PLA2G2F: variants seen among roughly 807,000 people sequenced by gnomAD.
PLA2G2F encodes phospholipase A2 group IIF.
Under a neutral mutation model 15.9 loss-of-function variants are expected in PLA2G2F, and 17 were observed. The ratio of observed to expected loss-of-function variants is 1.07; its 90% CI spans 0.73 to 1.60. The LOEUF (loss-of-function observed/expected upper bound fraction) is 1.60, where lower values mean the gene tolerates loss of function less well. PLA2G2F is among the 40% of genes most tolerant of loss of function. The pLI is 0.00. For synonymous variants in PLA2G2F, 119 were observed against 106.5 expected (o/e 1.12, Z -0.72); for missense variants, 299 against 278.2 (o/e 1.07, Z -0.53).
Position 20,148,602 on chromosome 1 carries a change from G to A in PLA2G2F, c.*201G>A. 1 of 597,374 alleles carries A rather than the reference G, an allele frequency of 1.7e-6. No individual in the cohort carries two copies. The highest frequency in any genetic ancestry group is 2.0e-5 in the South Asian group (1 of 49,936). The allele number at this position is 597,374 out of a possible 1,614,324, so 37.0% of individuals were successfully genotyped here. On this transcript the variant is annotated 3_prime_UTR_variant, in exon 5 of 5. Coordinates refer to ENST00000375102, the MANE Select transcript of PLA2G2F (RefSeq NM_022819.4). ...CCCCAGCCCAGCCCCAGGCATGGGT[G>A]CCTCCTGCTGCTGGTTCTGGACTGG...
Position 20,139,526 on chromosome 1 carries a change from T to A in PLA2G2F, c.99T>A (p.Cys33Ter). The A allele has an allele frequency of 6.4e-7, 1 of 1,552,620 alleles. No individual in the cohort carries two copies. Among genetic ancestry groups the A allele is most frequent in the Non-Finnish European group, 8.7e-7 (1 of 1,148,104 alleles). ...GGGGCCCACGCTTCGGGGCCTCCTG[T>A]CCTTCAAGAACCTCCAGGTAGGTGC... ...GWRGPRFGAS[C>*]PSRTSRSSLG... The change falls in exon 1 of 5, where the codon TGT becomes TGA. Residue 33 changes from cysteine (C) to a stop codon, truncating the protein, a stop_gained. Transcript: ENST00000375102. LOFTEE classifies it high-confidence loss of function.
Position 20,148,432 on chromosome 1 carries a change from G to A in PLA2G2F, c.*31G>A, listed in dbSNP as rs758017481. On this transcript the variant is annotated 3_prime_UTR_variant, in exon 5 of 5. Coordinates refer to ENST00000375102, the MANE Select transcript of PLA2G2F (RefSeq NM_022819.4). ...CTGAGGTTTGAGAGAGAGAGCGGGA[G>A]GAGGGTCTGGCTTGGGGACCAGACG... 3.8e-6 allele frequency: 6 copies of A among 1,574,592 alleles called. No homozygotes were observed. The African/African-American group carries it at 5.4e-5, about 14-fold the overall frequency.
At chr1:20,139,753 A>G (rs2017422622) in intron 1 of PLA2G2F, among the ~76,000 whole-genome samples, 1 of 152,218 alleles carries the variant, frequency 6.6e-6, no homozygotes, top group African/African-American at 2.4e-5. Flanking sequence ...CTGAGGCCAC[A>G]CATTTTGGAA....
Position 20,148,212 on chromosome 1 carries a change from T to C in PLA2G2F, c.447T>C (p.Cys149=). The change falls in exon 5 of 5, where the codon TGT becomes TGC. Residue 149 remains cysteine, a synonymous_variant. Transcript: ENST00000375102. ...IVCSDLNKTE[C]DKQTCMCDKN... is the part of the protein sequence containing the mutation. ...TAGGTGACCTCAACAAGACAGAGTG[T>C]GACAAGCAGACATGCATGTGTGACA... is the stretch of plus-strand genomic sequence containing the variant. The C allele has an allele frequency of 6.2e-7, 1 of 1,613,942 alleles. No individual in the cohort carries two copies. Among genetic ancestry groups the C allele is most frequent in the Non-Finnish European group, 8.5e-7 (1 of 1,179,958 alleles).
chr1:20,143,198 A>T, intron 2 of PLA2G2F: 1 of 472,942 alleles, frequency 2.1e-6, no homozygotes, highest in Non-Finnish European at 3.8e-6. Flanking sequence ...CCTAGCAAGG[A>T]TGACCTGCGT....
At chr1:20,141,120 G>T (rs913784455) in intron 2 of PLA2G2F, 1 of 152,278 alleles carries the variant, frequency 6.6e-6, no homozygotes, top group African/African-American at 2.4e-5. Context: ...GAAGACGACT[G>T]CTTGAGTTCA....
Position 20,149,228 on chromosome 1 carries a change from C to G in PLA2G2F, c.*827C>G, listed in dbSNP as rs888308021. The stretch of plus-strand genomic sequence containing the variant: ...GTGGGTCTGAGGAGCACTCCTACCC[C>G]CCGGCTCCGGGTCCCTGACAGACAC... On this transcript the variant is annotated 3_prime_UTR_variant, in exon 5 of 5. Coordinates refer to ENST00000375102, the MANE Select transcript of PLA2G2F (RefSeq NM_022819.4). The G allele has an allele frequency of 2.0e-5, 3 of 152,504 alleles. No individual in the cohort carries two copies. The highest frequency in any genetic ancestry group is 2.1e-4 in the South Asian group (1 of 4,832). The allele number at this position is 152,504 out of a possible 1,614,324, so 9.4% of individuals were successfully genotyped here. A position where few individuals can be genotyped will look rare whatever the true frequency, so the allele number is the denominator to read the frequency against.
intron 4 of PLA2G2F, among the ~76,000 whole-genome samples, chr1:20,147,174 A>T (rs1402095939): frequency 1.6e-4 from 25 of 152,288 alleles, no homozygotes; most frequent in Non-Finnish European, 2.9e-5. Context: ...CAGCTGCAGC[A>T]CCCAGGAACT....
At position 20,144,622 on chromosome 1, in the gene PLA2G2F, C is replaced by A. The variant is rs370232537; in HGVS notation, c.357C>A (p.Asp119Glu). 17 of 1,612,442 alleles carry A rather than the reference C, an allele frequency of 1.1e-5. No homozygotes were observed. Among genetic ancestry groups the A allele is most frequent in the African/African-American group, 2.7e-5 (2 of 74,904 alleles). ...ACTGCTGCTACCAGGAACTCTTTGA[C>A]CAAGGCTGTCACCCCTATGTGGACC... ...AHDCCYQELFDQGCHPYVDHY... is the reference protein window; with the variant it reads ...AHDCCYQELFEQGCHPYVDHY... Residue 119 changes from aspartate to glutamate, a missense_variant, in exon 4 of 5, where the codon GAC (aspartate) becomes GAA (glutamate). Transcript: ENST00000375102.
At position 20,139,586 on chromosome 1, in the gene PLA2G2F, C is replaced by T. The variant is rs1328703121; in HGVS notation, c.116+43C>T. On this transcript the variant is annotated intron_variant, in intron 1 of 4. Coordinates refer to ENST00000375102, the MANE Select transcript of PLA2G2F (RefSeq NM_022819.4). ...TGAGATGGAATCCTCCAGGGAGGGG[C>T]AGGGACAGGCGTGAGGGACTGGCTC... The T allele has an allele frequency of 2.9e-6, 4 of 1,388,104 alleles. No individual in the cohort carries two copies. The East Asian group carries it at 1.0e-4, about 36-fold the overall frequency. 86.0% of individuals were successfully genotyped at this position (1,388,104 alleles called of 1,614,324 possible).
intron 2 of PLA2G2F, chr1:20,142,180 T>C (rs1025704273): frequency 6.6e-6 from 1 of 151,532 alleles, no homozygotes; most frequent in South Asian, 2.1e-4. Context: ...GCAGGAAGGG[T>C]GCTGAGCTAG....
intron 4 of PLA2G2F, among the ~76,000 whole-genome samples, chr1:20,145,888 A>G (rs1569900827): frequency 6.6e-6 from 1 of 152,296 alleles, no homozygotes; most frequent in East Asian, 1.9e-4. Flanking sequence ...GATTATGGGT[A>G]TGAGCCACCA....
intron 4 of PLA2G2F, among the ~76,000 whole-genome samples, chr1:20,146,323 TTCTC>T (rs2017605924): frequency 3.3e-5 from 5 of 152,320 alleles, no homozygotes; most frequent in African/African-American, 1.2e-4. Context: ...AGCGGACTCT[TTCTC>T]TTCTGGTTCT....
Position 20,148,384 on chromosome 1 carries a change from C to T in PLA2G2F, c.619C>T (p.Pro207Ser), listed in dbSNP as rs1462059181. 1 of 1,611,456 alleles carries T rather than the reference C, an allele frequency of 6.2e-7. No homozygotes were observed. Among genetic ancestry groups the T allele is most frequent in the South Asian group, 1.1e-5 (1 of 91,016 alleles). Residue 207 changes from proline to serine, a missense_variant, in exon 5 of 5, where the codon CCC becomes TCC. Transcript: ENST00000375102. ...EVTCSHQSPA[P>S]PAPP is the part of the protein sequence containing the mutation. ...CACCTGCAGTCACCAATCCCCAGCG[C>T]CCCCCGCCCCTCCCTAGAGCCTCTG... is the stretch of plus-strand genomic sequence containing the variant.
At chr1:20,143,729 G>C in intron 3 of PLA2G2F, 139 bp downstream of exon 3, 2 of 1,093,094 alleles carry the variant, frequency 1.8e-6, no homozygotes, top group Non-Finnish European at 1.3e-6. Flanking sequence ...TTGGTGACCA[G>C]AGCCTGGTCT....
chr1:20,148,294 C>A lies in PLA2G2F; in HGVS notation c.529C>A (p.Leu177Ile). ...GTACCGAGAGGAGTACCGTGGCTTCCTCAATGTCTACTGCCAGGGCCCCAC... is the reference window on the plus strand; with the variant it reads ...GTACCGAGAGGAGTACCGTGGCTTCATCAATGTCTACTGCCAGGGCCCCAC... ...QTYREEYRGF[L>I]NVYCQGPTPN... Residue 177 changes from leucine (L) to isoleucine (I), a missense_variant, in exon 5 of 5, where the codon CTC becomes ATC. By Grantham distance (5) the Leu-to-Ile change is conservative. Transcript: ENST00000375102. 1.9e-6 allele frequency: 3 copies of A among 1,614,064 alleles called. No homozygotes were observed. The highest frequency in any genetic ancestry group is 1.6e-4 in the Middle Eastern group (1 of 6,062).
At chr1:20,143,747 T>C (rs2017528117) in intron 3 of PLA2G2F, 157 bp downstream of exon 3, 2 of 937,232 alleles carry the variant, frequency 2.1e-6, no homozygotes, top group Non-Finnish European at 3.2e-6. Flanking sequence ...TCTTTGACTA[T>C]GTTCTTTCCA....
In PLA2G2F at chr1:20,139,561, T is replaced by G; in HGVS notation, c.116+18T>G. The G allele has an allele frequency of 1.4e-6, 2 of 1,468,092 alleles. No homozygotes were observed. Among genetic ancestry groups the G allele is most frequent in the Non-Finnish European group, 1.8e-6 (2 of 1,097,918 alleles). The allele number at this position is 1,468,092 out of a possible 1,614,324, so 90.9% of individuals were successfully genotyped here. ...ACCTCCAGGTAGGTGCCTGTTGCCC[T>G]GAGATGGAATCCTCCAGGGAGGGGC... is the stretch of plus-strand genomic sequence containing the variant. On this transcript the variant is annotated intron_variant, in intron 1 of 4. Coordinates refer to ENST00000375102, the MANE Select transcript of PLA2G2F (RefSeq NM_022819.4).
At chr1:20,141,730 C>T (rs920408547) in intron 2 of PLA2G2F, 1 of 152,314 alleles carries the variant, frequency 6.6e-6, no homozygotes, top group African/African-American at 2.4e-5. Flanking sequence ...GCACTCTACA[C>T]ACCTTCATGA....
Sources: allele counts gnomAD v4.1 joint callset (sites outside exome capture counted in the v4.1 genomes callset), GRCh38; gene constraint gnomAD v4.1.1; transcripts MANE v1.5; gene names NCBI Gene and HGNC (gene_info 2026-07-23, HGNC 2026-07-21).